ST3GAL3: variants seen among roughly 807,000 people sequenced by gnomAD.
ST3GAL3 encodes the protein CMP-N-acetylneuraminate-beta-1,4-galactoside alpha-2,3-sialyltransferase.
In ST3GAL3, 21 loss-of-function variants were observed where a neutral mutation model predicts 50.1. The observed-to-expected ratio is 0.42, with a 90% CI of 0.30 to 0.60. ST3GAL3 has a LOEUF of 0.60. Ranked by LOEUF, ST3GAL3 falls within the 20% of genes least tolerant of loss-of-function variation. The pLI, the probability that ST3GAL3 is intolerant of heterozygous loss-of-function variation, is 0.19. For missense variants in ST3GAL3, 353 were observed against 489.4 expected (o/e 0.72, Z 2.63); for synonymous variants, 183 against 190.0 (o/e 0.96, Z 0.30).
chr1:43,790,524 A>G (rs2057923258), intron 2 of ST3GAL3, among the ~76,000 whole-genome samples: 1 of 151,952 alleles, frequency 6.6e-6, no homozygotes, highest in African/African-American at 2.4e-5. Context: ...TGTTTAATTT[A>G]TGCCATCATT....
At chr1:43,751,247 A>T (rs987798482) in intron 2 of ST3GAL3, among the ~76,000 whole-genome samples, 5 of 152,200 alleles carry the variant, frequency 3.3e-5, no homozygotes, top group Non-Finnish European at 7.3e-5. Flanking sequence ...AAGAGTTTAG[A>T]ATTATAATGC....
At chr1:43,905,910 T>C (rs1432844034) in intron 9 of ST3GAL3, among the ~76,000 whole-genome samples, 4 of 114,178 alleles carry the variant, frequency 3.5e-5, no homozygotes, top group South Asian at 4.1e-4. Flanking sequence ...CCTCCTCCTG[T>C]TCCTCTTCCC....
intron 3 of ST3GAL3, among the ~76,000 whole-genome samples, chr1:43,811,175 GT>G (rs1023683887): frequency 5.9e-5 from 9 of 152,108 alleles, no homozygotes; most frequent in African/African-American, 2.2e-4. Context: ...GCCCCATCTT[GT>G]GTAACAGTCA....
chr1:43,830,011 T>C (rs2063324787), intron 4 of ST3GAL3, among the ~76,000 whole-genome samples: 1 of 123,860 alleles, frequency 8.1e-6, no homozygotes, highest in African/African-American at 3.3e-5. Context: ...TTTTTTTTTT[T>C]TTTTTTTTTT....
At chr1:43,720,929 A>G (rs1182485588) in intron 1 of ST3GAL3, among the ~76,000 whole-genome samples, 1 of 152,172 alleles carries the variant, frequency 6.6e-6, no homozygotes, top group Admixed American at 6.5e-5. Flanking sequence ...CTAGGATGAA[A>G]TAGTATTCAG....
At chr1:43,720,616 T>C (rs1042615382) in intron 1 of ST3GAL3, 1 of 152,128 alleles carries the variant, frequency 6.6e-6, no homozygotes, top group East Asian at 1.9e-4. Context: ...TCAAGCCCTT[T>C]TATAATTGGC....
At chr1:43,767,401 TTA>T (rs987155205) in intron 2 of ST3GAL3, among the ~76,000 whole-genome samples, 5 of 151,974 alleles carry the variant, frequency 3.3e-5, no homozygotes, top group Non-Finnish European at 7.4e-5. Flanking sequence ...AGGTCCTTCT[TTA>T]TATGTCACAG....
At chr1:43,824,721 C>T (rs2062558590) in intron 4 of ST3GAL3, 1 of 1,613,930 alleles carries the variant, frequency 6.2e-7, no homozygotes, top group African/African-American at 1.3e-5. Context: ...GCCAAATTCC[C>T]ACTTTGCAGC....
intron 9 of ST3GAL3, among the ~76,000 whole-genome samples, chr1:43,901,053 C>T (rs1482580882): frequency 6.6e-6 from 1 of 152,224 alleles, no homozygotes; most frequent in Non-Finnish European, 1.5e-5. Context: ...TTTCAGAACC[C>T]TGGGGACTGA....
At chr1:43,897,036 GAT>G (rs768316905) in intron 6 of ST3GAL3, among the ~76,000 whole-genome samples, 2 of 44,692 alleles carry the variant, frequency 4.5e-5, no homozygotes, top group South Asian at 6.7e-4. Flanking sequence ...GTAGGTCATT[GAT>G]TTTTTTTTTT....
At chr1:43,724,840 G>A (rs557669714) in intron 1 of ST3GAL3, among the ~76,000 whole-genome samples, 4 of 152,162 alleles carry the variant, frequency 2.6e-5, no homozygotes, top group Non-Finnish European at 4.4e-5. Context: ...GTCAAATTGC[G>A]GGAGGACTGT....
At chr1:43,759,908 A>G (rs1572289918) in intron 2 of ST3GAL3, among the ~76,000 whole-genome samples, 1 of 152,318 alleles carries the variant, frequency 6.6e-6, no homozygotes, top group East Asian at 1.9e-4. Context: ...AGACAGAAGG[A>G]TCACTTGAGG....
chr1:43,784,661 G>A (rs537440003), intron 2 of ST3GAL3, among the ~76,000 whole-genome samples: 14 of 152,242 alleles, frequency 9.2e-5, no homozygotes, highest in East Asian at 1.9e-4. Context: ...ACAGTCTCTC[G>A]AGCTTAGTAA....
intron 1 of ST3GAL3, among the ~76,000 whole-genome samples, chr1:43,734,308 G>GTTT (rs11338876): frequency 1.8e-5 from 2 of 113,308 alleles, no homozygotes; most frequent in South Asian, 2.8e-4. Flanking sequence ...TTTTTTTTTT[G>GTTT]TTTTTTTTTT....
At chr1:43,830,319 G>T (rs2063377779) in intron 4 of ST3GAL3, among the ~76,000 whole-genome samples, 1 of 152,016 alleles carries the variant, frequency 6.6e-6, no homozygotes, top group African/African-American at 2.4e-5. Context: ...TTACAGATGT[G>T]AGCCACCACA....
intron 3 of ST3GAL3, among the ~76,000 whole-genome samples, chr1:43,806,166 A>G (rs2059861114): frequency 6.6e-6 from 1 of 152,230 alleles, no homozygotes; most frequent in African/African-American, 2.4e-5. Flanking sequence ...AGGGGAGACA[A>G]TAGTATAAGA....
intron 5 of ST3GAL3, chr1:43,842,372 C>T (rs1224964017): frequency 6.6e-6 from 1 of 152,100 alleles, no homozygotes; most frequent in African/African-American, 2.4e-5. Flanking sequence ...AAAAAAAAAT[C>T]TGAGCTCTCC....
intron 4 of ST3GAL3, among the ~76,000 whole-genome samples, chr1:43,834,982 G>A (rs1252938499): frequency 6.6e-6 from 1 of 152,190 alleles, no homozygotes; most frequent in Non-Finnish European, 1.5e-5. Context: ...AAGCAGGAGA[G>A]TGGAAGCGTC....
At chr1:43,791,829 G>A (rs978316676) in intron 2 of ST3GAL3, among the ~76,000 whole-genome samples, 1 of 152,154 alleles carries the variant, frequency 6.6e-6, no homozygotes, top group African/African-American at 2.4e-5. Flanking sequence ...AAGTAAATTT[G>A]TCCCCTAATC....
Sources: gnomAD v4.1 joint callset for allele counts (sites outside exome capture counted in the v4.1 genomes callset) on GRCh38, gnomAD v4.1.1 for gene constraint, MANE v1.5 for transcripts, NCBI Gene and HGNC (gene_info 2026-07-23, HGNC 2026-07-21) for gene names.